Variants in ATP11C observed in about 807,000 individuals in gnomAD.
The protein encoded by ATP11C is ATPase phospholipid transporting 11C (ATP11C blood group), also known as phospholipid-transporting ATPase IG.
A neutral mutation model predicts 97.4 loss-of-function variants in ATP11C; 36 were observed. That is an observed-to-expected ratio of 0.37 (90% CI 0.28 to 0.49). The LOEUF is 0.49. Ranked by LOEUF, ATP11C falls within the 20% of genes least tolerant of loss-of-function variation. The pLI is 0.98. For missense variants in ATP11C, 730 were observed against 824.6 expected (o/e 0.89, Z 1.40); for synonymous variants, 275 against 290.9 (o/e 0.95, Z 0.56).
intron 29 of ATP11C, among the ~76,000 whole-genome samples, chrX:139,730,066 C>T (rs1291435958): frequency 5.4e-5 from 6 of 111,902 alleles, no homozygotes; most frequent in African/African-American, 1.9e-4. Flanking sequence ...GATGCCTAAA[C>T]TAGCTGCTAA....
At chrX:139,854,168 G>A (rs143761324) in intron 1 of ATP11C, among the ~76,000 whole-genome samples, 1,243 of 112,053 alleles carry the variant, frequency 0.011, 18 homozygotes, top group African/African-American at 0.038. Flanking sequence ...AAACATGGAT[G>A]AGCTGTTTCC....
At chrX:139,789,272 T>C in intron 13 of ATP11C, 55 bp downstream of exon 13, 1 of 958,853 alleles carries the variant, frequency 1.0e-6, no homozygotes, top group African/African-American at 2.0e-5. Flanking sequence ...TACTATGGAA[T>C]GTTAACATGC....
At chrX:139,742,869 AAAAAAAAATATATATAT>A (rs1345562680) in intron 26 of ATP11C, among the ~76,000 whole-genome samples, 8 of 23,282 alleles carry the variant, frequency 3.4e-4, no homozygotes, top group African/African-American at 1.4e-3. Context: ...TAAATTAAAA[AAAAAAAAATATATATAT>A]ATATATATAT....
intron 2 of ATP11C, among the ~76,000 whole-genome samples, chrX:139,826,117 T>C (rs1039950189): frequency 9.0e-6 from 1 of 111,712 alleles, no homozygotes. Context: ...TCCTACACTA[T>C]GCTGAAGAAA....
intron 19 of ATP11C, among the ~76,000 whole-genome samples, chrX:139,772,840 T>C (rs1422527479): frequency 8.9e-6 from 1 of 111,783 alleles, no homozygotes; most frequent in African/African-American, 3.3e-5. Context: ...CAGAAGAGAC[T>C]TGCCTTGTCT....
intron 7 of ATP11C, among the ~76,000 whole-genome samples, 195 bp downstream of exon 7, chrX:139,802,041 G>A (rs2082936963): frequency 9.0e-6 from 1 of 111,475 alleles, no homozygotes; most frequent in Non-Finnish European, 1.9e-5. Context: ...AAGATACCTG[G>A]GCCCACAATG....
At position 139,853,795 on chromosome X, in the gene ATP11C, T is replaced by C. The variant is rs1302938775; in HGVS notation, c.28-26972A>G. Among the ~76,000 whole-genome samples, 6 of 95,858 alleles carry C rather than the reference T, an allele frequency of 6.3e-5. No individual in the cohort carries two copies. The East Asian group carries it at 1.3e-3, about 21-fold the overall frequency. 83.2% of individuals were successfully genotyped at this position (95,858 alleles called of 115,157 possible). ...AAAATAACTTTTAGAGGAAACCTGA[T>C]TGTGAGCACACCTCACCAGTTCAGA... is the stretch of plus-strand genomic sequence containing the variant. On this transcript the variant is annotated intron_variant, in intron 1 of 29. Coordinates refer to ENST00000682941, the MANE Select transcript of ATP11C (RefSeq NM_001353812.2).
At chrX:139,817,421 T>A (rs1405390878) in intron 3 of ATP11C, among the ~76,000 whole-genome samples, 2 of 111,966 alleles carry the variant, frequency 1.8e-5, no homozygotes, top group Non-Finnish European at 3.8e-5. Context: ...TATATGCAGG[T>A]CTCTAGGAAA....
intron 13 of ATP11C, 148 bp from the exon 14 acceptor site, chrX:139,788,491 AAT>A: frequency 1.9e-6 from 1 of 519,884 alleles, no homozygotes; most frequent in Non-Finnish European, 3.2e-6. Context: ...TTAACACTCA[AAT>A]CTGCTATATA....
At chrX:139,737,748 G>A (rs1569422435) in intron 28 of ATP11C, 168 bp downstream of exon 28, 2 of 579,575 alleles carry the variant, frequency 3.5e-6, no homozygotes, top group Non-Finnish European at 6.0e-6. Flanking sequence ...ATTGGATAAC[G>A]AAGTTTTTAC....
At chrX:139,903,580 C>A (rs1023582686) in intron 1 of ATP11C, among the ~76,000 whole-genome samples, 1 of 107,660 alleles carries the variant, frequency 9.3e-6, no homozygotes, top group Admixed American at 1.0e-4. Context: ...CTCTGTAGTA[C>A]CCTTTATAAT....
intron 1 of ATP11C, among the ~76,000 whole-genome samples, chrX:139,837,627 C>T (rs1194353350): frequency 8.9e-6 from 1 of 112,102 alleles, no homozygotes; most frequent in Non-Finnish European, 1.9e-5. Context: ...TATAGCATTA[C>T]TTAAGGGAAG....
At chrX:139,810,533 G>A (rs1031036458) in intron 5 of ATP11C, among the ~76,000 whole-genome samples, 3 of 112,058 alleles carry the variant, frequency 2.7e-5, no homozygotes, top group Non-Finnish European at 3.8e-5. Flanking sequence ...CCCATGAATC[G>A]AGGAAGAATT....
At chrX:139,853,708 G>A (rs1405507920) in intron 1 of ATP11C, among the ~76,000 whole-genome samples, 2 of 109,158 alleles carry the variant, frequency 1.8e-5, no homozygotes, top group South Asian at 8.1e-4. Context: ...CCAGTAACCC[G>A]CAGATGGCCT....
intron 22 of ATP11C, 94 bp downstream of exon 22, chrX:139,761,867 G>A (rs1410770134): frequency 4.0e-4 from 245 of 606,504 alleles, no homozygotes; most frequent in Non-Finnish European, 5.3e-4. Context: ...ATCAAAAGCA[G>A]CATTAAAAAA....
chrX:139,893,274 G>A (rs894872351), intron 1 of ATP11C, among the ~76,000 whole-genome samples: 3 of 111,179 alleles, frequency 2.7e-5, no homozygotes, highest in Non-Finnish European at 5.7e-5. Context: ...TGGCCAGGCT[G>A]GTCTCGAACT....
intron 1 of ATP11C, among the ~76,000 whole-genome samples, chrX:139,911,716 T>C (rs942522699): frequency 9.0e-6 from 1 of 110,560 alleles, no homozygotes; most frequent in African/African-American, 3.3e-5. Flanking sequence ...CACCAAAAGA[T>C]ACATATTGTT....
intron 23 of ATP11C, among the ~76,000 whole-genome samples, chrX:139,755,379 G>C (rs1267999222): frequency 2.7e-5 from 3 of 112,144 alleles, no homozygotes; most frequent in Non-Finnish European, 5.6e-5. Context: ...TGGATAGGAA[G>C]AATCAATATT....
At chrX:139,871,081 A>C (rs1246463624) in intron 1 of ATP11C, among the ~76,000 whole-genome samples, 1 of 109,929 alleles carries the variant, frequency 9.1e-6, no homozygotes, top group Non-Finnish European at 1.9e-5. Context: ...AAAAAAAAAA[A>C]AAAGATACAC....
Sources: allele counts gnomAD v4.1 joint callset (sites outside exome capture counted in the v4.1 genomes callset), GRCh38; gene constraint gnomAD v4.1.1; transcripts MANE v1.5; gene names NCBI Gene and HGNC (gene_info 2026-07-23, HGNC 2026-07-21).